Variants in TSPEAR observed in about 807,000 individuals in gnomAD.
TSPEAR encodes the protein thrombospondin-type laminin G domain and EAR repeat-containing protein.
Under a neutral mutation model 71.6 loss-of-function variants are expected in TSPEAR, and 69 were observed. The ratio of observed to expected loss-of-function variants is 0.96; its 90% CI spans 0.79 to 1.18. The LOEUF (loss-of-function observed/expected upper bound fraction) is 1.18, where lower values mean the gene tolerates loss of function less well. TSPEAR is among the 50% of genes most tolerant of loss of function. The pLI is 0.00. For missense variants in TSPEAR, 971 were observed against 894.9 expected, an observed-to-expected ratio of 1.09 and a Z score of -1.09; for synonymous variants, 402 against 387.2, an observed-to-expected ratio of 1.04 and a Z score of -0.45.
chr21:44,528,356 G>A (rs1020966370), intron 6 of TSPEAR, 96 bp downstream of exon 6: 9 of 1,544,944 alleles, frequency 5.8e-6, no homozygotes, highest in Non-Finnish European at 5.3e-6. Context: ...GTCATTCAGA[G>A]GTGGCTGAGG....
chr21:44,519,542 C>G (rs2052689132), intron 9 of TSPEAR: 1 of 152,390 alleles, frequency 6.6e-6, no homozygotes, highest in African/African-American at 2.4e-5. Flanking sequence ...ACCGAAGGCT[C>G]CTGAACCCTC....
chr21:44,589,773 C>T (rs112218680), intron 1 of TSPEAR, among the ~76,000 whole-genome samples: 1 of 152,120 alleles, frequency 6.6e-6, no homozygotes, highest in Non-Finnish European at 1.5e-5. Flanking sequence ...CCAGCCCCGG[C>T]CCCTCCACCT....
rs2052711651 is a variant in TSPEAR, at chr21:44,520,420, A to G, written c.1566+1463T>C. The G allele has an allele frequency of 6.6e-6, 1 of 152,094 alleles. No individual in the cohort carries two copies. Among genetic ancestry groups the G allele is most frequent in the Admixed American group, 6.5e-5 (1 of 15,280 alleles). 9.4% of individuals were successfully genotyped at this position (152,094 alleles called of 1,614,324 possible). On this transcript the variant is annotated intron_variant, in intron 9 of 11. Transcript: ENST00000323084. This position sits in a 1 kb window ranked among gnomAD's most constrained non-coding sequence, Gnocchi z 4.2. ...CCTCGTGCCCTGAACATCCACGTAAAGCTGCCCTTCCCCACTGGACCATGA... is the reference window on the plus strand; with the variant it reads ...CCTCGTGCCCTGAACATCCACGTAAGGCTGCCCTTCCCCACTGGACCATGA...
In TSPEAR at chr21:44,527,432, G is replaced by T. The variant is rs782816697; in HGVS notation, c.1009C>A (p.Gln337Lys). 6.2e-7 allele frequency: 1 copy of T among 1,614,252 alleles called. No homozygotes were observed. The highest frequency in any genetic ancestry group is 8.5e-7 in the Non-Finnish European group (1 of 1,180,048). ...TLGIEVFRIPQVGLFVATANR... is the reference protein window; with the variant it reads ...TLGIEVFRIPKVGLFVATANR... ...GCTGTGGCCACAAAGAGCCCCACCT[G>T]AGGGATGCGGAACACCTCAATGCCC... The change falls in exon 7 of 12, where the codon CAG (glutamine) becomes AAG (lysine). Residue 337 changes from glutamine to lysine, a missense_variant. Coordinates refer to ENST00000323084, the MANE Select transcript of TSPEAR (RefSeq NM_144991.3).
In TSPEAR at chr21:44,669,294, G is replaced by A. The variant is rs144556341; in HGVS notation, c.82+42139C>T. Among the ~76,000 whole-genome samples the A allele has an allele frequency of 7.1e-3, 1,078 of 152,210 alleles. 9 individuals are homozygous for A. Among genetic ancestry groups the A allele is most frequent in the African/African-American group, 0.024 (1,014 of 41,516 alleles). ...AAAAATTAGCTGGGTGTGGTGGCAC[G>A]TGCCTGTAGTCCCAGCTACTTGGGA... On this transcript the variant is annotated intron_variant, in intron 1 of 11. Transcript: ENST00000323084.
At chr21:44,557,812 T>C in intron 2 of TSPEAR, 1 of 572,792 alleles carries the variant, frequency 1.7e-6, no homozygotes, top group Non-Finnish European at 3.1e-6. Flanking sequence ...GTGACTTTAT[T>C]TGTTGACAGA....
At chr21:44,605,404 A>C (rs1169896002) in intron 1 of TSPEAR, among the ~76,000 whole-genome samples, 7 of 152,356 alleles carry the variant, frequency 4.6e-5, no homozygotes, top group African/African-American at 1.7e-4. Context: ...ATTCAATGCA[A>C]TCTCTATCAA....
chr21:44,592,681 G>A (rs1980069205), intron 1 of TSPEAR, among the ~76,000 whole-genome samples: 1 of 152,150 alleles, frequency 6.6e-6, no homozygotes, highest in Admixed American at 6.5e-5. Flanking sequence ...CATCACATCT[G>A]GGCTGTGTCC....
intron 1 of TSPEAR, among the ~76,000 whole-genome samples, chr21:44,671,425 G>A (rs1399118849): frequency 6.6e-6 from 1 of 152,178 alleles, no homozygotes. Context: ...ACCAGTGCCA[G>A]CATATGCTAC....
intron 2 of TSPEAR, chr21:44,558,704 A>G (rs448908): frequency 0.31 from 490,628 of 1,603,842 alleles, 77,961 homozygotes; most frequent in Non-Finnish European, 0.33. Context: ...CGGACATGGT[A>G]GACGTGGCCA....
intron 2 of TSPEAR, among the ~76,000 whole-genome samples, chr21:44,554,400 A>G (rs1253060030): frequency 6.6e-6 from 1 of 152,220 alleles, no homozygotes; most frequent in African/African-American, 2.4e-5. Flanking sequence ...TAGCAGCCCC[A>G]ACTGACTGTG....
Position 44,499,480 on chromosome 21 carries a change from A to G in TSPEAR, c.*303T>C. 1 of 353,162 alleles carries G rather than the reference A, an allele frequency of 2.8e-6. No homozygotes were observed. The highest frequency in any genetic ancestry group is 4.3e-5 in the South Asian group (1 of 23,032). The allele number at this position is 353,162 out of a possible 1,614,324, so 21.9% of individuals were successfully genotyped here. On this transcript the variant is annotated 3_prime_UTR_variant, in exon 12 of 12. Coordinates refer to ENST00000323084, the MANE Select transcript of TSPEAR (RefSeq NM_144991.3). ...GTCCTGTTGTTTGAGGTAAAAATGT[A>G]TAGAAACGGTTCCTTGACAGCGAAA...
At chr21:44,508,984 A>T in intron 10 of TSPEAR, 1 of 1,529,616 alleles carries the variant, frequency 6.5e-7, no homozygotes, top group Non-Finnish European at 8.8e-7. Flanking sequence ...CTGGGAACCA[A>T]ACCTGTGTCT....
In TSPEAR at chr21:44,596,519, C is replaced by T. The variant is rs1031510159; in HGVS notation, c.83-28514G>A. ...CCTTGTATCCACCCAGGAGTATCTA[C>T]AGGATGCTTGCTTAGTGATTCAGGC... On this transcript the variant is annotated intron_variant, in intron 1 of 11. Coordinates refer to ENST00000323084, the MANE Select transcript of TSPEAR (RefSeq NM_144991.3). Among the ~76,000 whole-genome samples, 3 of 152,352 alleles carry T rather than the reference C, an allele frequency of 2.0e-5. No homozygotes were observed. In the East Asian group the frequency reaches 5.8e-4, roughly 29 times the overall value.
chr21:44,543,509 C>G (rs1325815460), intron 2 of TSPEAR, among the ~76,000 whole-genome samples: 2 of 152,140 alleles, frequency 1.3e-5, no homozygotes, highest in East Asian at 3.9e-4. Flanking sequence ...GTTGTCTCCA[C>G]CCAGAACCTC....
chr21:44,502,440 C>T (rs587641099), intron 11 of TSPEAR, among the ~76,000 whole-genome samples: 4 of 152,148 alleles, frequency 2.6e-5, no homozygotes, highest in African/African-American at 9.6e-5. Flanking sequence ...GGTTAGGGGG[C>T]GAGAAAATGA....
At position 44,623,504 on chromosome 21, in the gene TSPEAR, T is replaced by G. The variant is rs1039763135; in HGVS notation, c.83-55499A>C. Among the ~76,000 whole-genome samples, 4 of 152,244 alleles carry G rather than the reference T, an allele frequency of 2.6e-5. No homozygotes were observed. Among genetic ancestry groups the G allele is most frequent in the Admixed American group, 2.6e-4 (4 of 15,290 alleles). ...AAATATTCATTTAGATTTCCCCATGTTGTCCTCCTTTTGTTACACTTCATT... is the reference window on the plus strand; with the variant it reads ...AAATATTCATTTAGATTTCCCCATGGTGTCCTCCTTTTGTTACACTTCATT... On this transcript the variant is annotated intron_variant, in intron 1 of 11. Coordinates refer to ENST00000323084, the MANE Select transcript of TSPEAR (RefSeq NM_144991.3). The surrounding 1 kb of genome is among the most constrained non-coding windows in gnomAD (Gnocchi z 4.5).
intron 1 of TSPEAR, among the ~76,000 whole-genome samples, chr21:44,691,461 A>G (rs1555949732): frequency 6.6e-6 from 1 of 152,238 alleles, no homozygotes; most frequent in Non-Finnish European, 1.5e-5. Context: ...CTATTCATCC[A>G]TATTGTTCCA....
At chr21:44,683,642 CAG>C (rs1986721895) in intron 1 of TSPEAR, among the ~76,000 whole-genome samples, 1 of 151,992 alleles carries the variant, frequency 6.6e-6, no homozygotes, top group Non-Finnish European at 1.5e-5. Flanking sequence ...GCATTCCAGC[CAG>C]GGCAACAGAG....
Sources: allele counts gnomAD v4.1 joint callset (sites outside exome capture counted in the v4.1 genomes callset), GRCh38; gene constraint gnomAD v4.1.1; non-coding constraint Gnocchi (gnomAD v3.1); transcripts MANE v1.5; gene names NCBI Gene and HGNC (gene_info 2026-07-23, HGNC 2026-07-21).